The following MKLN1 variants were observed in gnomAD, a reference collection of about 807,000 sequenced individuals.
MKLN1 encodes muskelin 1, also known as muskelin.
MKLN1 carries 18 observed loss-of-function variants against 99.0 expected under a neutral mutation model. The ratio of observed to expected loss-of-function variants is 0.18; its 90% confidence interval spans 0.13 to 0.27. MKLN1 has a LOEUF of 0.27. Among genes scored for constraint, MKLN1 ranks in the 10% least tolerant of loss-of-function variants. The probability of loss-of-function intolerance (pLI) is 1.00; values close to 1 mark genes in which losing one functional copy is unlikely to be tolerated. For synonymous variants in MKLN1, 288 were observed against 293.2 expected, an observed-to-expected ratio of 0.98 and a Z score of 0.18; for missense variants, 621 against 875.9, an observed-to-expected ratio of 0.71 and a Z score of 3.67.
chr7:131,351,883 A>G (rs916349082), intron 1 of MKLN1, among the ~76,000 whole-genome samples: 4 of 152,200 alleles, frequency 2.6e-5, no homozygotes, highest in Non-Finnish European at 5.9e-5. Context: ...AGAATAAACT[A>G]TTTCAGTAGA....
At chr7:131,364,766 G>A (rs1284347576) in intron 1 of MKLN1, among the ~76,000 whole-genome samples, 5 of 152,060 alleles carry the variant, frequency 3.3e-5, no homozygotes, top group African/African-American at 1.2e-4. Flanking sequence ...ATGCATCCAT[G>A]TTCCCACAAA....
chr7:131,130,579 A>G (rs1473448416), intron 1 of MKLN1, among the ~76,000 whole-genome samples: 1 of 152,234 alleles, frequency 6.6e-6, no homozygotes, highest in African/African-American at 2.4e-5. Context: ...GATAATGTTA[A>G]TACGTAAGAA....
chr7:131,455,962 C>G (rs1193535237), intron 12 of MKLN1, among the ~76,000 whole-genome samples: 1 of 152,002 alleles, frequency 6.6e-6, no homozygotes, highest in African/African-American at 2.4e-5. Context: ...AGGATAATTG[C>G]TGGAACTTGG....
chr7:131,258,653 G>A (rs146567617), intron 3 of MKLN1, among the ~76,000 whole-genome samples: 1,947 of 152,266 alleles, frequency 0.013, 26 homozygotes, highest in Non-Finnish European at 0.022. Flanking sequence ...CAGATATTTT[G>A]GGTATGGGAA....
At chr7:131,433,977 A>G (rs1041009494) in intron 9 of MKLN1, among the ~76,000 whole-genome samples, 3 of 150,306 alleles carry the variant, frequency 2.0e-5, no homozygotes, top group Non-Finnish European at 4.4e-5. Context: ...CCCTTCTCCC[A>G]GGTTCAAGTG....
At chr7:131,401,186 A>G (rs759706994) in intron 6 of MKLN1, among the ~76,000 whole-genome samples, 29 of 152,184 alleles carry the variant, frequency 1.9e-4, no homozygotes, top group Non-Finnish European at 3.8e-4. Flanking sequence ...TATTTTTAGT[A>G]TATTACTTAG....
At chr7:131,349,823 A>G (rs1266533446) in intron 1 of MKLN1, among the ~76,000 whole-genome samples, 4 of 152,042 alleles carry the variant, frequency 2.6e-5, no homozygotes, top group Non-Finnish European at 4.4e-5. Flanking sequence ...AGAATTTCCT[A>G]TTTTATCAAA....
intron 3 of MKLN1, among the ~76,000 whole-genome samples, chr7:131,255,413 A>G (rs921422784): frequency 3.3e-5 from 5 of 152,230 alleles, no homozygotes; most frequent in African/African-American, 1.2e-4. Context: ...AAAAACACAA[A>G]AAACCAAACA....
chr7:131,188,967 GA>G (rs1297811048), intron 2 of MKLN1, among the ~76,000 whole-genome samples: 1 of 152,172 alleles, frequency 6.6e-6, no homozygotes, highest in Non-Finnish European at 1.5e-5. Context: ...AGGAGGGGTG[GA>G]AAGAAGTCTG....
At chr7:131,376,098 ATATATATAT>A (rs1263832552) in intron 2 of MKLN1, among the ~76,000 whole-genome samples, 1 of 1,140 alleles carries the variant, frequency 8.8e-4, no homozygotes, top group African/African-American at 2.4e-3. Flanking sequence ...TCATGGAAAT[ATATATATAT>A]ATATATATAT....
chr7:131,196,678 G>A (rs1796649960), intron 2 of MKLN1, among the ~76,000 whole-genome samples: 1 of 152,140 alleles, frequency 6.6e-6, no homozygotes, highest in African/African-American at 2.4e-5. Flanking sequence ...AAGCTGAAAG[G>A]CTGCTTGTAC....
intron 2 of MKLN1, among the ~76,000 whole-genome samples, chr7:131,378,775 A>G (rs1172886756): frequency 6.6e-6 from 1 of 152,118 alleles, no homozygotes; most frequent in Non-Finnish European, 1.5e-5. Context: ...GGCTGCAGTG[A>G]GTCGAGATCA....
At chr7:131,419,666 T>G (rs1795133298) in intron 8 of MKLN1, among the ~76,000 whole-genome samples, 1 of 152,212 alleles carries the variant, frequency 6.6e-6, no homozygotes, top group African/African-American at 2.4e-5. Context: ...GAACTGATAT[T>G]ATTACAAAGT....
At chr7:131,341,928 A>G (rs1352500027) in intron 1 of MKLN1, among the ~76,000 whole-genome samples, 1 of 152,168 alleles carries the variant, frequency 6.6e-6, no homozygotes, top group Non-Finnish European at 1.5e-5. Context: ...TCCTTACAGG[A>G]ACCAGTACTG....
intron 1 of MKLN1, among the ~76,000 whole-genome samples, chr7:131,336,741 C>G (rs1454014411): frequency 6.6e-6 from 1 of 152,102 alleles, no homozygotes; most frequent in African/African-American, 2.4e-5. Flanking sequence ...CACTCTCCTG[C>G]TTTTATGTTG....
intron 3 of MKLN1, among the ~76,000 whole-genome samples, chr7:131,304,270 C>A (rs1212478026): frequency 6.6e-6 from 1 of 152,162 alleles, no homozygotes; most frequent in Non-Finnish European, 1.5e-5. Flanking sequence ...ACTCAGGAGG[C>A]TGAAGAGATA....
chr7:131,215,430 C>T (rs1251308850), intron 3 of MKLN1, among the ~76,000 whole-genome samples: 1 of 152,154 alleles, frequency 6.6e-6, no homozygotes, highest in Non-Finnish European at 1.5e-5. Flanking sequence ...ACTGCAGCCT[C>T]AAATTTCTGG....
intron 2 of MKLN1, among the ~76,000 whole-genome samples, chr7:131,379,235 A>G (rs1793765926): frequency 6.6e-6 from 1 of 152,336 alleles, no homozygotes; most frequent in South Asian, 2.1e-4. Flanking sequence ...GGCATTCTCC[A>G]CAAATCATTA....
In MKLN1 at chr7:131,283,303, TTCCCTCCC is replaced by T. The variant is rs148306928; in HGVS notation, c.-179+80349_-179+80356del. ...ACCTTCTAGTTACAAGAGAAGGCCC[TTCCCTCCC>T]TCCCTCCCTCCCTCCCTCCTTCCCT... On this transcript the variant is annotated intron_variant, in intron 3 of 7. Transcript: ENST00000416992. Among the ~76,000 whole-genome samples, 30 of 126,226 alleles carry T rather than the reference TTCCCTCCC, an allele frequency of 2.4e-4. No individual in the cohort carries two copies. In the East Asian group the frequency reaches 5.4e-3, roughly 23 times the overall value. The allele number at this position is 126,226 out of a possible 152,430, so 82.8% of individuals were successfully genotyped here.
Sources: allele counts gnomAD v4.1 joint callset (sites outside exome capture counted in the v4.1 genomes callset), GRCh38; gene constraint gnomAD v4.1.1; transcripts MANE v1.5; gene names NCBI Gene and HGNC (gene_info 2026-07-23, HGNC 2026-07-21).